The following ABCC6 variants were observed in gnomAD, a reference collection of about 807,000 sequenced individuals.
ABCC6 encodes ATP binding cassette subfamily C member 6.
ABCC6 carries 126 observed loss-of-function variants against 169.5 expected under a neutral mutation model. The observed-to-expected ratio is 0.74, with a 90% confidence interval of 0.64 to 0.86. ABCC6 has a LOEUF of 0.86. Among genes scored for constraint, ABCC6 ranks in the 40% least tolerant of loss-of-function variants. The probability of loss-of-function intolerance (pLI) is 0.00; values close to 1 mark genes in which losing one functional copy is unlikely to be tolerated. For missense variants in ABCC6, 1,733 were observed against 1,927.2 expected (o/e 0.90, Z 1.89); for synonymous variants, 752 against 814.7 (o/e 0.92, Z 1.31).
chr16:16,158,186 T>C (rs2046610840), intron 26 of ABCC6, among the ~76,000 whole-genome samples: 1 of 152,092 alleles, frequency 6.6e-6, no homozygotes, highest in African/African-American at 2.4e-5. Context: ...TGAGTCTTGG[T>C]TTTCCAATCT....
chr16:16,154,603 C>G (rs756501208), intron 29 of ABCC6, 25 bp downstream of exon 29: 2 of 1,611,340 alleles, frequency 1.2e-6, no homozygotes, highest in South Asian at 2.2e-5. Flanking sequence ...ACCTGCAGGT[C>G]CCAGCCATGG....
intron 21 of ABCC6, among the ~76,000 whole-genome samples, chr16:16,171,901 AAATG>A (rs1488606345): frequency 5.8e-5 from 2 of 34,504 alleles, no homozygotes; most frequent in African/African-American, 2.6e-4. Flanking sequence ...ATGGATGGAT[AAATG>A]AATGGGTGGG....
chr16:16,213,114 TCGCTCTG>T (rs1302853309), intron 5 of ABCC6, among the ~76,000 whole-genome samples: 1 of 150,854 alleles, frequency 6.6e-6, no homozygotes, highest in East Asian at 1.9e-4. Flanking sequence ...ATACAGGGTC[TCGCTCTG>T]TCACCCAGGC....
intron 10 of ABCC6, among the ~76,000 whole-genome samples, chr16:16,194,969 C>A (rs1360394118): frequency 6.6e-6 from 1 of 152,016 alleles, no homozygotes; most frequent in Admixed American, 6.6e-5. Context: ...TTTGAGCCAC[C>A]CCACCTGGCC....
intron 9 of ABCC6, among the ~76,000 whole-genome samples, chr16:16,201,174 C>G (rs1158974941): frequency 1.3e-5 from 2 of 152,076 alleles, no homozygotes; most frequent in Non-Finnish European, 2.9e-5. Flanking sequence ...GCCATGTTGG[C>G]CAGGCTGGTC....
In ABCC6 at chr16:16,173,226, T is replaced by C. The variant is rs1363221325; in HGVS notation, c.2787+58A>G. 2.5e-6 allele frequency: 4 copies of C among 1,610,216 alleles called. No individual in the cohort carries two copies. The East Asian group carries it at 6.7e-5, about 27-fold the overall frequency. ...CAAGTGCTACATTTGGTGGGAAGACTTGGGCCCCTGGAGGTGGCAGCAGTG... is the reference window on the plus strand; with the variant it reads ...CAAGTGCTACATTTGGTGGGAAGACCTGGGCCCCTGGAGGTGGCAGCAGTG... On this transcript the variant is annotated intron_variant, in intron 21 of 30. Coordinates refer to ENST00000205557, the MANE Select transcript of ABCC6 (RefSeq NM_001171.6).
chr16:16,206,412 G>C (rs1487252224), intron 7 of ABCC6, among the ~76,000 whole-genome samples: 1 of 151,956 alleles, frequency 6.6e-6, no homozygotes, highest in Non-Finnish European at 1.5e-5. Context: ...ATCACCTGAG[G>C]TCAGGAGTTC....
intron 20 of ABCC6, 145 bp downstream of exon 20, chr16:16,175,766 C>T (rs571233876): frequency 3.4e-5 from 28 of 835,280 alleles, no homozygotes; most frequent in East Asian, 2.7e-4. Context: ...TATCCCTCAG[C>T]AGGGCACCAT....
intron 25 of ABCC6, among the ~76,000 whole-genome samples, chr16:16,160,054 A>G (rs963370837): frequency 6.6e-6 from 1 of 151,510 alleles, no homozygotes; most frequent in African/African-American, 2.4e-5. Flanking sequence ...GTCTCCCAGC[A>G]CCCCTGCCTT....
chr16:16,157,481 C>T (rs2046586910), intron 27 of ABCC6, among the ~76,000 whole-genome samples, 182 bp downstream of exon 27: 1 of 152,112 alleles, frequency 6.6e-6, no homozygotes, highest in African/African-American at 2.4e-5. Context: ...ATGAGGAAGT[C>T]ACCAGATGGA....
intron 20 of ABCC6, among the ~76,000 whole-genome samples, chr16:16,173,784 C>T (rs1393348244): frequency 6.6e-6 from 1 of 152,012 alleles, no homozygotes; most frequent in Admixed American, 6.6e-5. Flanking sequence ...CTGCCTCAGC[C>T]TCCCAAAGTG....
At chr16:16,179,096 G>T in intron 17 of ABCC6, 131 bp from the exon 18 acceptor site, 1 of 1,031,860 alleles carries the variant, frequency 9.7e-7, no homozygotes, top group Non-Finnish European at 1.4e-6. Flanking sequence ...ATTCCCTGGG[G>T]ACAGGCCCAG....
chr16:16,193,068 T>C (rs1196145219), intron 10 of ABCC6, 146 bp from the exon 11 acceptor site: 2 of 675,262 alleles, frequency 3.0e-6, no homozygotes, highest in South Asian at 1.8e-5. Context: ...GGTTAGGGTA[T>C]TGTAAGTCAC....
At position 16,171,705 on chromosome 16, in the gene ABCC6, G is replaced by A. The variant is rs148879438; in HGVS notation, c.2787+1579C>T. On this transcript the variant is annotated intron_variant, in intron 21 of 30. Transcript: ENST00000205557. The stretch of plus-strand genomic sequence containing the variant: ...AGGTGGGATAGATGGATGGGTAAGC[G>A]AATGGGATGGATAAATGAGTAGGTG... Among the ~76,000 whole-genome samples, 803 of 152,246 alleles carry A rather than the reference G, an allele frequency of 5.3e-3. 6 individuals are homozygous for A. Among genetic ancestry groups the A allele is most frequent in the African/African-American group, 0.019 (771 of 41,538 alleles).
chr16:16,182,689 G>T, intron 16 of ABCC6, 101 bp from the exon 17 acceptor site: 1 of 1,587,440 alleles, frequency 6.3e-7, no homozygotes, highest in Non-Finnish European at 8.6e-7. Context: ...TGGGTGAGAG[G>T]TGGAGAGAAT....
At chr16:16,150,871 G>C in intron 29 of ABCC6, 99 bp from the exon 30 acceptor site, 1 of 1,542,260 alleles carries the variant, frequency 6.5e-7, no homozygotes, top group Non-Finnish European at 8.8e-7. Context: ...GTGCAGGAGT[G>C]AGGTGCCTGT....
rs992063352 is a variant in ABCC6 at position 16,198,591 on chromosome 16, G to A, written c.1177-409C>T. On this transcript the variant is annotated intron_variant, in intron 9 of 30. Coordinates refer to ENST00000205557, the MANE Select transcript of ABCC6 (RefSeq NM_001171.6). Reference sequence around the variant, plus strand: ...AGGCCAGGTGCAGTGGCCTCTGCCTGTAATCCCGCCACTCTGGGAGGCTGA... The same window carrying A: ...AGGCCAGGTGCAGTGGCCTCTGCCTATAATCCCGCCACTCTGGGAGGCTGA... Among the ~76,000 whole-genome samples, 5 of 151,870 alleles carry A rather than the reference G, an allele frequency of 3.3e-5. No individual in the cohort carries two copies. In the East Asian group the frequency reaches 5.8e-4, roughly 18 times the overall value.
chr16:16,220,025 C>T (rs1874715829), intron 2 of ABCC6, 78 bp from the exon 3 acceptor site: 2 of 1,523,538 alleles, frequency 1.3e-6, no homozygotes, highest in Non-Finnish European at 8.9e-7. Context: ...CCATGTCCAA[C>T]TGGGAGCTGG....
Position 16,198,102 on chromosome 16 carries a change from C to A in ABCC6, c.1257G>T (p.Arg419=), listed in dbSNP as rs1432141368. The A allele has an allele frequency of 6.2e-7, 1 of 1,613,500 alleles. No homozygotes were observed. The highest frequency in any genetic ancestry group is 8.5e-7 in the Non-Finnish European group (1 of 1,179,784). The change falls in exon 10 of 31, where the codon CGG becomes CGT. Residue 419 remains arginine (R), a synonymous_variant. Transcript: ENST00000205557. ...TGAGGTAGAGGACGCTCTCGGTCAG[C>A]CGCTGCACGTCCACGGACACCAGAT... ...VVNLVSVDVQ[R]LTESVLYLNG...
Sources: gnomAD v4.1 joint callset for allele counts (sites outside exome capture counted in the v4.1 genomes callset) on GRCh38, gnomAD v4.1.1 for gene constraint, MANE v1.5 for transcripts, NCBI Gene and HGNC (gene_info 2026-07-23, HGNC 2026-07-21) for gene names.